The following DST variants were observed in gnomAD, a reference collection of about 807,000 sequenced individuals.
DST encodes the protein bullous pemphigoid antigen.
DST carries 253 observed loss-of-function variants against 875.2 expected under a neutral mutation model. That is an observed-to-expected ratio of 0.29 (90% CI 0.26 to 0.32). DST has a LOEUF of 0.32. Ranked by LOEUF, DST falls within the 10% of genes least tolerant of loss-of-function variation. The probability of loss-of-function intolerance (pLI) is 1.00; values close to 1 mark genes in which losing one functional copy is unlikely to be tolerated. For synonymous variants in DST, 3,124 were observed against 3,197.1 expected (o/e 0.98, Z 0.77); for missense variants, 8,287 against 9,111.6 (o/e 0.91, Z 3.68).
chr6:56,752,152 G>A (rs902438941), intron 4 of DST, among the ~76,000 whole-genome samples: 3 of 151,178 alleles, frequency 2.0e-5, no homozygotes, highest in South Asian at 2.1e-4. Flanking sequence ...AGCATCTCTT[G>A]AAAACCCACT....
At chr6:56,495,187 T>A (rs919298771) in intron 82 of DST, among the ~76,000 whole-genome samples, 1 of 151,974 alleles carries the variant, frequency 6.6e-6, no homozygotes, top group East Asian at 1.9e-4. Context: ...CTTTCAGATA[T>A]AGCTAAAAAC....
chr6:56,843,629 T>A, intron 4 of DST: 8 of 983,410 alleles, frequency 8.1e-6, no homozygotes, highest in Non-Finnish European at 9.6e-6. Context: ...TCACCGGGGA[T>A]GCTGCGCGGC....
chr6:56,557,125 T>C (rs2097435760), intron 59 of DST, among the ~76,000 whole-genome samples, 194 bp downstream of exon 59: 1 of 152,214 alleles, frequency 6.6e-6, no homozygotes, highest in South Asian at 2.1e-4. Context: ...TAAGATGCCT[T>C]ATAGCTTTAG....
chr6:56,786,159 G>C (rs779143371), intron 4 of DST, among the ~76,000 whole-genome samples: 3 of 152,124 alleles, frequency 2.0e-5, no homozygotes, highest in East Asian at 1.9e-4. Context: ...TTTCATTTGG[G>C]GGGGAGGGGT....
At chr6:56,897,885 C>G (rs979419934) in intron 3 of DST, among the ~76,000 whole-genome samples, 3 of 152,114 alleles carry the variant, frequency 2.0e-5, no homozygotes, top group African/African-American at 7.2e-5. Flanking sequence ...CCCTCAGGCA[C>G]CATCCTTGTG....
Position 56,597,881 on chromosome 6 carries a change from G to C in DST, c.12054C>G (p.Asn4018Lys). The change falls in exon 47 of 104, where the codon AAC becomes AAG. Residue 4018 changes from asparagine to lysine, a missense_variant. By Grantham distance (94) the Asn-to-Lys change is moderately conservative (BLOSUM62 0). Coordinates refer to ENST00000680361, the MANE Select transcript of DST (RefSeq NM_001374736.1). ...GTKHKQVIEQNGTHFQEGDGK... is the reference protein window; with the variant it reads ...GTKHKQVIEQKGTHFQEGDGK... Reference sequence around the variant, plus strand: ...CATCACCTTCTTGAAAATGGGTCCCGTTCTGTTCGATTACCTGTTTGTGTT... The same window carrying C: ...CATCACCTTCTTGAAAATGGGTCCCCTTCTGTTCGATTACCTGTTTGTGTT... 1.2e-6 allele frequency: 2 copies of C among 1,613,710 alleles called. No homozygotes were observed. The highest frequency in any genetic ancestry group is 8.5e-7 in the Non-Finnish European group (1 of 1,179,792).
At chr6:56,694,675 TG>T (rs2099252959) in intron 9 of DST, among the ~76,000 whole-genome samples, 1 of 152,136 alleles carries the variant, frequency 6.6e-6, no homozygotes, top group African/African-American at 2.4e-5. Context: ...TCTCTGCTGA[TG>T]AAGTTTAGAT....
chr6:56,474,253 G>T, intron 92 of DST: 1 of 314,552 alleles, frequency 3.2e-6, no homozygotes, highest in Non-Finnish European at 6.0e-6. Context: ...GGAGGCCAAG[G>T]CAGGTGGATC....
chr6:56,515,534 C>T lies in DST; in HGVS notation c.18492G>A (p.Leu6164=). 1 of 1,613,888 alleles carries T rather than the reference C, an allele frequency of 6.2e-7. No homozygotes were observed. The highest frequency in any genetic ancestry group is 1.3e-5 in the African/African-American group (1 of 75,034). Reference sequence around the variant, plus strand: ...GAGAGATGATTGATTGTGTTTCTGTCAGCCATGGCCAAAGTTCTTCATATG... The same window carrying T: ...GAGAGATGATTGATTGTGTTTCTGTTAGCCATGGCCAAAGTTCTTCATATG... ...WETYEELWPW[L]TETQSIISQL... is the part of the protein sequence containing the mutation. The change falls in exon 72 of 104, where the codon CTG becomes CTA. Residue 6164 remains leucine, a synonymous_variant. Coordinates refer to ENST00000680361, the MANE Select transcript of DST (RefSeq NM_001374736.1).
chr6:56,814,137 T>G (rs985956818), intron 4 of DST, among the ~76,000 whole-genome samples: 1 of 152,096 alleles, frequency 6.6e-6, no homozygotes, highest in African/African-American at 2.4e-5. Context: ...TAGACAAAAC[T>G]ACACATTATT....
At position 56,608,425 on chromosome 6, in the gene DST, C is replaced by G; in HGVS notation, c.6203G>C (p.Gly2068Ala). 6.2e-7 allele frequency: 1 copy of G among 1,613,672 alleles called. No homozygotes were observed. Among genetic ancestry groups the G allele is most frequent in the Non-Finnish European group, 8.5e-7 (1 of 1,179,790 alleles). The stretch of plus-strand genomic sequence containing the variant: ...ATGGGGCCAAATGAGTCCAACATAG[C>G]CTCGCTGAGCTTCCAGGACCAGAAG... ...SALLVLEAQR[G>A]YVGLIWPHSG... Residue 2068 changes from glycine (G) to alanine (A), a missense_variant, in exon 40 of 104, where the codon GGC becomes GCC. Physicochemically the swap from Gly to Ala is moderately conservative, Grantham distance 60 (BLOSUM62 0). Transcript: ENST00000680361.
intron 50 of DST, among the ~76,000 whole-genome samples, chr6:56,576,162 TG>T (rs1230493982): frequency 2.6e-5 from 4 of 152,184 alleles, no homozygotes; most frequent in Non-Finnish European, 4.4e-5. Flanking sequence ...GCTGAACACA[TG>T]GAGTCCTGAG....
rs368463876 is a variant in DST at position 56,594,097 on chromosome 6, G to C, written c.12292C>G (p.Pro4098Ala). The C allele has an allele frequency of 1.6e-5, 25 of 1,610,676 alleles. No homozygotes were observed. Among genetic ancestry groups the C allele is most frequent in the Non-Finnish European group, 2.0e-5 (23 of 1,179,132 alleles). The change falls in exon 48 of 104, where the codon CCT becomes GCT. Residue 4098 changes from proline to alanine, a missense_variant. Around this residue, in one of 10 missense-constraint regions of DST, gnomAD observed 1,513 missense variants for 1,677.8 expected, o/e 0.90. Transcript: ENST00000680361. ...TTTTGCAGTTTCTCTTTTTCTTCAG[G>C]AGAGAGATACTGACCCTGTTTCTCA... ...LLEKQGQYLS[P>A]EEKEKLQKNM... is the part of the protein sequence containing the mutation.
Position 56,607,076 on chromosome 6 carries a change from G to T in DST, c.7552C>A (p.Gln2518Lys), listed in dbSNP as rs747767227. ...KSLNMISSNP[Q>K]VQYHNDKYIS... ...TATTTATCATTGTGATATTGTACTT[G>T]AGGATTACTAGAAATCATATTTAAA... is the stretch of plus-strand genomic sequence containing the variant. Residue 2518 changes from glutamine (Q) to lysine (K), a missense_variant, in exon 40 of 104, where the codon CAA becomes AAA. Gln to Lys is a moderately conservative substitution (Grantham distance 53). Around this residue, in one of 10 missense-constraint regions of DST, gnomAD observed 3,138 missense variants for 3,116.6 expected, o/e 1.01. Coordinates refer to ENST00000680361, the MANE Select transcript of DST (RefSeq NM_001374736.1). 6.2e-7 allele frequency: 1 copy of T among 1,613,086 alleles called. No individual in the cohort carries two copies. Among genetic ancestry groups the T allele is most frequent in the South Asian group, 1.1e-5 (1 of 91,058 alleles).
intron 3 of DST, among the ~76,000 whole-genome samples, chr6:56,898,690 C>A (rs1376799621): frequency 6.6e-6 from 1 of 152,176 alleles, no homozygotes; most frequent in Non-Finnish European, 1.5e-5. Context: ...GAATGCCATA[C>A]CCTCCCACAT....
chr6:56,493,911 G>GA, intron 83 of DST, 99 bp downstream of exon 83: 1 of 927,498 alleles, frequency 1.1e-6, no homozygotes, highest in Non-Finnish European at 1.5e-6. Context: ...ATAAATCATT[G>GA]AAAGTTCTAC....
intron 47 of DST, 66 bp downstream of exon 47, chr6:56,597,674 G>T: frequency 6.6e-7 from 1 of 1,515,142 alleles, no homozygotes. Flanking sequence ...TCATGTGCTA[G>T]GTTATTTCTC....
chr6:56,881,215 C>T (rs1352826988), intron 3 of DST, among the ~76,000 whole-genome samples: 3 of 152,110 alleles, frequency 2.0e-5, no homozygotes, highest in African/African-American at 7.2e-5. Context: ...TGGCTCACAT[C>T]TGTAATCCCA....
chr6:56,593,516 C>CAAAA (rs58251502), intron 48 of DST, 147 bp downstream of exon 48: 74 of 319,216 alleles, frequency 2.3e-4, no homozygotes, highest in Admixed American at 2.7e-4. Context: ...GACTCCTTCT[C>CAAAA]AAAAAAAAAA....
Sources: gnomAD v4.1 joint callset for allele counts (sites outside exome capture counted in the v4.1 genomes callset) on GRCh38, gnomAD v4.1.1 for gene constraint, gnomAD v4.1.1 regional missense constraint, MANE v1.5 for transcripts, NCBI Gene and HGNC (gene_info 2026-07-23, HGNC 2026-07-21) for gene names.